Variants in RBPJ observed in about 807,000 individuals in gnomAD.
RBPJ encodes the protein recombination signal binding protein for immunoglobulin kappa J region.
Under a neutral mutation model 67.8 loss-of-function variants are expected in RBPJ, and 9 were observed. The observed-to-expected ratio is 0.13, with a 90% CI of 0.08 to 0.23. The LOEUF (loss-of-function observed/expected upper bound fraction) is 0.23, where lower values mean the gene tolerates loss of function less well. Ranked by LOEUF, RBPJ falls within the 10% of genes least tolerant of loss-of-function variation. RBPJ has a pLI of 1.00. For synonymous variants in RBPJ, 198 were observed against 203.3 expected, an observed-to-expected ratio of 0.97 and a Z score of 0.22; for missense variants, 305 against 595.6, an observed-to-expected ratio of 0.51 and a Z score of 5.08.
intron 1 of RBPJ, among the ~76,000 whole-genome samples, chr4:26,204,905 C>A (rs2109159785): frequency 6.6e-6 from 1 of 152,300 alleles, no homozygotes; most frequent in African/African-American, 2.4e-5. Context: ...TATAGTCTCA[C>A]CCCCTGCACT....
intron 2 of RBPJ, among the ~76,000 whole-genome samples, chr4:26,390,634 A>G (rs1252131795): frequency 6.6e-6 from 1 of 152,244 alleles, no homozygotes; most frequent in Non-Finnish European, 1.5e-5. Flanking sequence ...CAATTTACAC[A>G]GTAGTATAAA....
chr4:26,398,946 C>A (rs1253264545), intron 2 of RBPJ, among the ~76,000 whole-genome samples: 1 of 152,162 alleles, frequency 6.6e-6, no homozygotes, highest in Non-Finnish European at 1.5e-5. Context: ...TATACTTCAG[C>A]TACTTAAAAG....
intron 1 of RBPJ, among the ~76,000 whole-genome samples, chr4:26,375,323 A>T (rs1053493678): frequency 1.3e-5 from 2 of 150,748 alleles, no homozygotes; most frequent in African/African-American, 4.9e-5. Flanking sequence ...TAATGTGGGT[A>T]TGATGTGAGA....
chr4:26,231,937 G>C (rs1384470283), intron 1 of RBPJ, among the ~76,000 whole-genome samples: 1 of 151,298 alleles, frequency 6.6e-6, no homozygotes, highest in Non-Finnish European at 1.5e-5. Context: ...TGTCGCCCAG[G>C]CTGGAGTGCA....
chr4:26,169,458 G>A (rs1170633179), intron 1 of RBPJ, among the ~76,000 whole-genome samples: 13 of 152,294 alleles, frequency 8.5e-5, no homozygotes, highest in South Asian at 4.1e-4. Context: ...GTACCCGGCC[G>A]TGTGAGGTGT....
chr4:26,317,333 TC>T (rs1577421105), upstream of RBPJ, among the ~76,000 whole-genome samples: 2 of 151,886 alleles, frequency 1.3e-5, no homozygotes, highest in East Asian at 3.9e-4. Context: ...GGAAGAGCAT[TC>T]CAGGTAGTGG....
chr4:26,393,422 T>G (rs1345944307), intron 2 of RBPJ, among the ~76,000 whole-genome samples: 1 of 152,210 alleles, frequency 6.6e-6, no homozygotes, highest in Non-Finnish European at 1.5e-5. Flanking sequence ...TCACCCAGGC[T>G]ATAGCGCAGT....
the RBPJ span, chr4:26,113,490 A>G: frequency 5.4e-6 from 3 of 555,342 alleles, no homozygotes; most frequent in East Asian, 4.1e-5. Context: ...GAAAAGCCCT[A>G]TGACTGTAAG....
the RBPJ span, among the ~76,000 whole-genome samples, chr4:26,136,010 G>A: frequency 6.6e-6 from 1 of 152,200 alleles, no homozygotes; most frequent in Admixed American, 6.5e-5. Context: ...ACAGTGGAAG[G>A]CAAATGAGGA....
At chr4:26,154,522 A>T in the RBPJ span, among the ~76,000 whole-genome samples, 245 of 152,296 alleles carry the variant, frequency 1.6e-3, no homozygotes, top group Non-Finnish European at 3.0e-3. Context: ...GTGGTCCCAG[A>T]TGGAAGTGCT....
chr4:26,311,552 A>AT (rs1722428152), intron 1 of RBPJ, among the ~76,000 whole-genome samples: 1 of 151,884 alleles, frequency 6.6e-6, no homozygotes, highest in Non-Finnish European at 1.5e-5. Flanking sequence ...AAAAAAAAAA[A>AT]GTGTCACTGT....
intron 1 of RBPJ, among the ~76,000 whole-genome samples, chr4:26,267,883 C>T (rs1325162873): frequency 6.6e-6 from 1 of 152,102 alleles, no homozygotes; most frequent in African/African-American, 2.4e-5. Context: ...GTTGGGATTA[C>T]AGGCGTGAGC....
the RBPJ span, among the ~76,000 whole-genome samples, chr4:26,118,601 A>G: frequency 3.9e-5 from 6 of 152,232 alleles, no homozygotes; most frequent in Admixed American, 3.9e-4. Flanking sequence ...GTGGTCATTC[A>G]CGTCAGTCTG....
At chr4:26,185,099 G>T (rs555429663) in intron 1 of RBPJ, among the ~76,000 whole-genome samples, 2 of 150,372 alleles carry the variant, frequency 1.3e-5, no homozygotes, top group South Asian at 2.1e-4. Context: ...CCGACATTGC[G>T]CCACTGCACT....
rs1736176078 is a variant in RBPJ at position 26,431,078 on chromosome 4, G to C, written c.*71G>C. 1 of 1,331,604 alleles carries C rather than the reference G, an allele frequency of 7.5e-7. No homozygotes were observed. Among genetic ancestry groups the C allele is most frequent in the Non-Finnish European group, 1.0e-6 (1 of 968,492 alleles). The allele number at this position is 1,331,604 out of a possible 1,614,324, so 82.5% of individuals were successfully genotyped here. ...AAGTTAACAAAAAAGGAGAAAAAAT[G>C]AACAATCGTTTGTGGTTTCTTGGGA... On this transcript the variant is annotated 3_prime_UTR_variant, in exon 11 of 11. Coordinates refer to ENST00000355476, the MANE Select transcript of RBPJ (RefSeq NM_015874.6).
At chr4:26,109,398 G>C in the RBPJ span, among the ~76,000 whole-genome samples, 1 of 134,094 alleles carries the variant, frequency 7.5e-6, no homozygotes, top group Non-Finnish European at 1.6e-5. Context: ...GAGCCACTGT[G>C]CCTGTCCACC....
chr4:26,214,623 A>AGAGGG (rs1718572642), intron 1 of RBPJ, among the ~76,000 whole-genome samples: 2 of 95,902 alleles, frequency 2.1e-5, no homozygotes, highest in African/African-American at 1.0e-4. Context: ...TGAAAAAGAA[A>AGAGGG]AAAGAGAAAG....
At position 26,415,731 on chromosome 4, in the gene RBPJ, T is replaced by G. The variant is rs1017443436; in HGVS notation, c.321+91T>G. ...ATTTTTGTGGTGGAGATTTTTTTCT[T>G]TAATAACTATTGGTAACAATTTCTT... On this transcript the variant is annotated intron_variant, in intron 4 of 10. Coordinates refer to ENST00000355476, the MANE Select transcript of RBPJ (RefSeq NM_015874.6). The G allele has an allele frequency of 2.3e-5, 28 of 1,223,984 alleles. No homozygotes were observed. The African/African-American group carries it at 4.1e-4, about 18-fold the overall frequency. The allele number at this position is 1,223,984 out of a possible 1,614,324, so 75.8% of individuals were successfully genotyped here.
At chr4:26,382,454 G>A (rs1730422517) in intron 1 of RBPJ, among the ~76,000 whole-genome samples, 1 of 152,216 alleles carries the variant, frequency 6.6e-6, no homozygotes, top group African/African-American at 2.4e-5. Flanking sequence ...TAACTTGACA[G>A]TTTTTAATGT....
Sources: gnomAD v4.1 joint callset for allele counts (sites outside exome capture counted in the v4.1 genomes callset) on GRCh38, gnomAD v4.1.1 for gene constraint, MANE v1.5 for transcripts, NCBI Gene and HGNC (gene_info 2026-07-23, HGNC 2026-07-21) for gene names.